SUGP2: variants seen among roughly 807,000 people sequenced by gnomAD.
SUGP2 encodes the protein SURP and G-patch domain containing 2.
In SUGP2, 24 loss-of-function variants were observed where a neutral mutation model predicts 90.5. The ratio of observed to expected loss-of-function variants is 0.27; its 90% confidence interval spans 0.19 to 0.37. The LOEUF (loss-of-function observed/expected upper bound fraction) is 0.37. SUGP2 is among the 10% of genes least tolerant of loss of function. The pLI is 1.00. For missense variants in SUGP2, 1,233 were observed against 1,363.3 expected (o/e 0.90, Z 1.51); for synonymous variants, 473 against 513.4 (o/e 0.92, Z 1.06).
chr19:19,006,580 G>GA (rs546591721), intron 6 of SUGP2, among the ~76,000 whole-genome samples: 43 of 151,914 alleles, frequency 2.8e-4, no homozygotes, highest in Non-Finnish European at 4.4e-4. Context: ...ACTTTTCATT[G>GA]AAAAAAAAGA....
chr19:19,008,920 G>GTT (rs563903067), intron 5 of SUGP2, among the ~76,000 whole-genome samples: 1 of 151,114 alleles, frequency 6.6e-6, no homozygotes, highest in Non-Finnish European at 1.5e-5. Context: ...GGTTTGTTTG[G>GTT]TTTTTTTTTG....
At chr19:18,996,749 G>A (rs11670661) in intron 8 of SUGP2, among the ~76,000 whole-genome samples, 1 of 152,046 alleles carries the variant, frequency 6.6e-6, no homozygotes, top group African/African-American at 2.4e-5. Flanking sequence ...ACGGGGTTTC[G>A]CCATGTTAAC....
intron 3 of SUGP2, among the ~76,000 whole-genome samples, chr19:19,024,359 C>G (rs2058842425): frequency 1.3e-5 from 2 of 152,198 alleles, no homozygotes; most frequent in Non-Finnish European, 2.9e-5. Flanking sequence ...GATCTGCCGC[C>G]TCAGCCTCCC....
intron 4 of SUGP2, among the ~76,000 whole-genome samples, chr19:19,010,910 C>A (rs188838800): frequency 1.3e-5 from 2 of 152,050 alleles, no homozygotes; most frequent in East Asian, 3.9e-4. Flanking sequence ...GAGGCTGAGG[C>A]GGGAGGATTG....
chr19:19,010,182 T>G lies in SUGP2; in HGVS notation c.2011A>C (p.Lys671Gln). 1 of 1,613,690 alleles carries G rather than the reference T, an allele frequency of 6.2e-7. No individual in the cohort carries two copies. The highest frequency in any genetic ancestry group is 8.5e-7 in the Non-Finnish European group (1 of 1,179,936). The change falls in exon 5 of 11, where the codon AAG (lysine) becomes CAG (glutamine). Residue 671 changes from lysine to glutamine, a missense_variant. Lys to Gln is a moderately conservative substitution (Grantham distance 53). Transcript: ENST00000452918. ...MLYSRAVRNL[K>Q]KKLLPWQRRG... ...CGCTGCCACGGAAGGAGTTTCTTCT[T>G]GAGGTTGCGGACAGCCCGGGAGTAC...
At chr19:19,027,139 G>T (rs944721431) in intron 2 of SUGP2, among the ~76,000 whole-genome samples, 1 of 152,172 alleles carries the variant, frequency 6.6e-6, no homozygotes, top group African/African-American at 2.4e-5. Flanking sequence ...AGGGCGGAGG[G>T]GAAGATGTAC....
chr19:19,030,996 C>T lies in SUGP2; in HGVS notation c.76G>A (p.Ala26Thr). 6.2e-7 allele frequency: 1 copy of T among 1,613,896 alleles called. No homozygotes were observed. The highest frequency in any genetic ancestry group is 8.5e-7 in the Non-Finnish European group (1 of 1,179,960). ...GTTTCGCTTACAGCCTCACCACTGG[C>T]ATCCATGTGATATCGTTTGGCTTTT... is the stretch of plus-strand genomic sequence containing the variant. The part of the protein sequence containing the change: ...QEKAKRYHMD[A>T]SGEAVSETLQ... The change falls in exon 2 of 11, where the codon GCC becomes ACC. Residue 26 changes from alanine to threonine, a missense_variant. Ala to Thr is a moderately conservative substitution (Grantham distance 58, BLOSUM62 0). This residue lies in a region of SUGP2 where 418 missense variants were observed against 399.9 expected (regional missense o/e 1.05). Coordinates refer to ENST00000452918, the MANE Select transcript of SUGP2 (RefSeq NM_001017392.5).
chr19:18,998,429 GGT>G (rs948585781), intron 8 of SUGP2, among the ~76,000 whole-genome samples: 4 of 151,240 alleles, frequency 2.6e-5, no homozygotes, highest in Non-Finnish European at 5.9e-5. Context: ...CGGGATTACA[GGT>G]GTAAGCCACC....
chr19:19,010,244 T>C lies in SUGP2; in HGVS notation c.1949A>G (p.Lys650Arg), dbSNP rs748508667. ...CACTGCACAGTCTGCTGAGGTCGGC[T>C]TCTGGTCGGCTCCTCGCAAGTTCTC... Reference protein sequence around the residue: ...MSENLRGADQKPTSADCAVRA... With the variant: ...MSENLRGADQRPTSADCAVRA... Residue 650 changes from lysine to arginine, a missense_variant, in exon 5 of 11, where the codon AAG becomes AGG. Coordinates refer to ENST00000452918, the MANE Select transcript of SUGP2 (RefSeq NM_001017392.5). 1.2e-5 allele frequency: 20 copies of C among 1,614,030 alleles called. No homozygotes were observed. The highest frequency in any genetic ancestry group is 1.5e-5 in the Non-Finnish European group (18 of 1,180,044).
intron 1 of SUGP2, among the ~76,000 whole-genome samples, chr19:19,032,460 C>T (rs528640078): frequency 6.6e-6 from 1 of 152,194 alleles, no homozygotes; most frequent in East Asian, 1.9e-4. Context: ...GCGCCTGGCC[C>T]AGGATCACTC....
At chr19:19,008,219 A>C (rs1056759487) in intron 6 of SUGP2, 98 bp downstream of exon 6, 4 of 1,013,304 alleles carry the variant, frequency 3.9e-6, no homozygotes, top group Non-Finnish European at 6.3e-6. Flanking sequence ...CAGGAGGATC[A>C]CTTGAGCCCA....
At chr19:19,018,117 C>T (rs752342953) in intron 4 of SUGP2, among the ~76,000 whole-genome samples, 1 of 151,956 alleles carries the variant, frequency 6.6e-6, no homozygotes, top group African/African-American at 2.4e-5. Flanking sequence ...CACCCTCACA[C>T]CCCACAAGCA....
chr19:19,031,967 G>A (rs1179304915), intron 1 of SUGP2, among the ~76,000 whole-genome samples: 1 of 151,454 alleles, frequency 6.6e-6, no homozygotes, highest in East Asian at 2.0e-4. Context: ...ACAGGTGTGT[G>A]CTGGCTGAAA....
intron 5 of SUGP2, 97 bp from the exon 6 acceptor site, chr19:19,008,525 G>A (rs2058176631): frequency 1.1e-6 from 1 of 931,016 alleles, no homozygotes; most frequent in African/African-American, 1.7e-5. Context: ...AAGATGGCCT[G>A]CATGTCCCCT....
At chr19:19,020,450 A>AT (rs1199692623) in intron 3 of SUGP2, among the ~76,000 whole-genome samples, 58 of 138,648 alleles carry the variant, frequency 4.2e-4, no homozygotes, top group East Asian at 8.9e-4. Flanking sequence ...AAAAAGGCAA[A>AT]TTTTTTTTTT....
intron 3 of SUGP2, among the ~76,000 whole-genome samples, chr19:19,020,349 G>A (rs9676917): frequency 0.7 from 104,778 of 150,076 alleles, 36,954 homozygotes; most frequent in East Asian, 0.89. Flanking sequence ...GGAGAATAGC[G>A]TGAACCCGGG....
chr19:19,013,822 G>T (rs1357048860), intron 4 of SUGP2, among the ~76,000 whole-genome samples: 1 of 152,220 alleles, frequency 6.6e-6, no homozygotes, highest in African/African-American at 2.4e-5. Context: ...TTTAGAAGAT[G>T]AGAGAAAACA....
In SUGP2 at chr19:18,993,309, G is replaced by T. The variant is rs1204626153; in HGVS notation, c.*432C>A. On this transcript the variant is annotated 3_prime_UTR_variant, in exon 11 of 11. Transcript: ENST00000452918. The stretch of plus-strand genomic sequence containing the variant: ...TTGTCTCCCCCGTATAAATTCTGGC[G>T]AACAACGAGAAAACACCATCTGTGA... The T allele has an allele frequency of 6.6e-6, 1 of 152,076 alleles. No homozygotes were observed. Among genetic ancestry groups the T allele is most frequent in the Non-Finnish European group, 1.5e-5 (1 of 68,018 alleles). The allele number at this position is 152,076 out of a possible 1,614,324, so 9.4% of individuals were successfully genotyped here. A position where few individuals can be genotyped will look rare whatever the true frequency, so the allele number is the denominator to read the frequency against.
rs1177608201 is a variant in SUGP2, at chr19:19,004,454, CCG to C, written c.2641_2642del (p.Arg881GlyfsTer3). 3 of 1,614,220 alleles carry C rather than the reference CCG, an allele frequency of 1.9e-6. No individual in the cohort carries two copies. The Admixed American group carries it at 5.0e-5, about 27-fold the overall frequency. On this transcript the variant is annotated frameshift_variant, in exon 7 of 11. Coordinates refer to ENST00000452918, the MANE Select transcript of SUGP2 (RefSeq NM_001017392.5). LOFTEE classifies it high-confidence loss of function. ...CCTCTGGGCTCTCCAGCTCAGCCTCCCGCGGAGGGGGCTCGTCTTCAAACTCT... is the reference window on the plus strand; with the variant it reads ...CCTCTGGGCTCTCCAGCTCAGCCTCCCGGAGGGGGCTCGTCTTCAAACTCT... ...EAEFEDEPPP[R>X]EAELESPEVM...
Sources: allele counts gnomAD v4.1 joint callset (sites outside exome capture counted in the v4.1 genomes callset), GRCh38; gene constraint gnomAD v4.1.1; regional missense constraint gnomAD v4.1.1; transcripts MANE v1.5; gene names NCBI Gene and HGNC (gene_info 2026-07-23, HGNC 2026-07-21).